The following HYCC2 variants were observed in gnomAD, a reference collection of about 807,000 sequenced individuals.
HYCC2 encodes the protein hyccin 2.
chr2:201,024,504 A>G, the HYCC2 span, among the ~76,000 whole-genome samples: 3 of 151,416 alleles, frequency 2.0e-5, no homozygotes, highest in Admixed American at 2.0e-4. Context: ...TAAAATAAAA[A>G]TAAGTTTTAT....
At chr2:200,976,540 C>T in the HYCC2 span, 1 of 152,116 alleles carries the variant, frequency 6.6e-6, no homozygotes, top group African/African-American at 2.4e-5. Flanking sequence ...TTAAAATATT[C>T]ACAAAAGTGG....
chr2:201,062,475 C>T, the HYCC2 span, among the ~76,000 whole-genome samples: 2 of 152,046 alleles, frequency 1.3e-5, no homozygotes, highest in Non-Finnish European at 2.9e-5. Context: ...GGTGAAACCC[C>T]GTCTTTAATA....
chr2:201,068,744 T>A, the HYCC2 span, among the ~76,000 whole-genome samples: 1 of 152,118 alleles, frequency 6.6e-6, no homozygotes, highest in South Asian at 2.1e-4. Context: ...AACAGAAGGC[T>A]AGGAAGGTAA....
chr2:200,981,692 A>G, the HYCC2 span: 1 of 1,614,034 alleles, frequency 6.2e-7, no homozygotes, highest in Non-Finnish European at 8.5e-7. This position sits in a 1 kb window ranked among gnomAD's most constrained non-coding sequence, Gnocchi z 4.5. Context: ...TTGATGGCAG[A>G]GGCTGTTTCT....
chr2:200,976,042 C>T, the HYCC2 span: 1 of 152,052 alleles, frequency 6.6e-6, no homozygotes, highest in Non-Finnish European at 1.5e-5. Context: ...ACACTGCATT[C>T]CATCTGCTTA....
chr2:201,000,218 T>C, the HYCC2 span, among the ~76,000 whole-genome samples: 4 of 151,660 alleles, frequency 2.6e-5, no homozygotes, highest in Admixed American at 6.6e-5. Context: ...ACAAAAATAA[T>C]TTTTTTAATT....
chr2:201,043,691 G>A, the HYCC2 span, among the ~76,000 whole-genome samples: 1 of 151,670 alleles, frequency 6.6e-6, no homozygotes, highest in African/African-American at 2.4e-5. Flanking sequence ...TGTATTTTTA[G>A]TAGAGACAGG....
the HYCC2 span, among the ~76,000 whole-genome samples, chr2:201,034,128 AG>A: frequency 6.6e-6 from 1 of 152,094 alleles, no homozygotes; most frequent in East Asian, 1.9e-4. Flanking sequence ...ACCTTTAAAT[AG>A]AGAAATATAG....
the HYCC2 span, chr2:200,988,248 G>A: frequency 6.3e-7 from 1 of 1,597,446 alleles, no homozygotes; most frequent in Non-Finnish European, 8.5e-7. Context: ...GGACTATGGG[G>A]ATTTTGTACT....
chr2:200,985,220 G>A, the HYCC2 span, among the ~76,000 whole-genome samples: 1 of 152,166 alleles, frequency 6.6e-6, no homozygotes, highest in African/African-American at 2.4e-5. Context: ...CCAAAGAGGA[G>A]ACATCTGAAA....
At chr2:201,024,054 T>G in the HYCC2 span, 4 of 1,473,232 alleles carry the variant, frequency 2.7e-6, no homozygotes, top group Non-Finnish European at 3.8e-6. Flanking sequence ...AAGAAAAAAG[T>G]ATTGAAGCTG....
the HYCC2 span, among the ~76,000 whole-genome samples, chr2:201,018,154 G>A: frequency 6.6e-6 from 1 of 151,892 alleles, no homozygotes; most frequent in African/African-American, 2.4e-5. Flanking sequence ...TGACTTATGA[G>A]GAACTTCATG....
the HYCC2 span, chr2:200,981,674 C>T: frequency 6.2e-7 from 1 of 1,614,172 alleles, no homozygotes; most frequent in East Asian, 2.2e-5. This position sits in a 1 kb window ranked among gnomAD's most constrained non-coding sequence, Gnocchi z 4.5. Flanking sequence ...CGAGGGCTCT[C>T]ACTGGATTTG....
At chr2:201,026,836 G>C in the HYCC2 span, among the ~76,000 whole-genome samples, 2 of 152,288 alleles carry the variant, frequency 1.3e-5, no homozygotes, top group Admixed American at 1.3e-4. Context: ...GAAATTTATA[G>C]CACTAAATGC....
At chr2:200,992,589 A>C in the HYCC2 span, among the ~76,000 whole-genome samples, 11 of 152,214 alleles carry the variant, frequency 7.2e-5, no homozygotes, top group Non-Finnish European at 1.5e-4. Flanking sequence ...GGTTTTTATT[A>C]CATGCTGATA....
chr2:201,016,305 T>C, the HYCC2 span, among the ~76,000 whole-genome samples: 1 of 152,224 alleles, frequency 6.6e-6, no homozygotes, highest in Non-Finnish European at 1.5e-5. Flanking sequence ...TTTTCTTTTT[T>C]TGAGACAGGG....
the HYCC2 span, among the ~76,000 whole-genome samples, chr2:201,026,983 T>C: frequency 0.01 from 1,585 of 152,068 alleles, 24 homozygotes; most frequent in African/African-American, 0.036. Flanking sequence ...ACTGAGGAGA[T>C]AGAGACACAA....
the HYCC2 span, among the ~76,000 whole-genome samples, chr2:201,030,828 G>A: frequency 2.9e-3 from 446 of 152,036 alleles, 2 homozygotes; most frequent in African/African-American, 0.01. Context: ...ATCTGCCCAC[G>A]TTGGCCTCCT....
the HYCC2 span, among the ~76,000 whole-genome samples, chr2:201,042,726 C>A: frequency 1.3e-5 from 2 of 151,430 alleles, no homozygotes; most frequent in African/African-American, 4.9e-5. Flanking sequence ...CGGCCAGCCG[C>A]CCCGTCCGGG....
Sources: allele counts gnomAD v4.1 joint callset (sites outside exome capture counted in the v4.1 genomes callset), GRCh38; gene constraint gnomAD v4.1.1; non-coding constraint Gnocchi (gnomAD v3.1); transcripts MANE v1.5; gene names NCBI Gene and HGNC (gene_info 2026-07-23, HGNC 2026-07-21).